Variants in ROBO2 observed in about 807,000 individuals in gnomAD.
ROBO2 encodes the protein roundabout homolog 2.
A neutral mutation model predicts 160.8 loss-of-function variants in ROBO2; 53 were observed. That is an observed-to-expected ratio of 0.33 (90% CI 0.26 to 0.41). ROBO2 has a LOEUF of 0.41. Among genes scored for constraint, ROBO2 ranks in the 10% least tolerant of loss-of-function variants. The pLI is 1.00. For synonymous variants in ROBO2, 664 were observed against 611.7 expected, an observed-to-expected ratio of 1.09 and a Z score of -1.26; for missense variants, 1,577 against 1,722.4, an observed-to-expected ratio of 0.92 and a Z score of 1.49.
At position 76,419,467 on chromosome 3, in the gene ROBO2, C is replaced by T. The variant is rs150932647; in HGVS notation, c.109+481865C>T. Among the ~76,000 whole-genome samples the T allele has an allele frequency of 1.1e-4, 16 of 151,598 alleles. No homozygotes were observed. In the East Asian group the frequency reaches 3.1e-3, roughly 29 times the overall value. On this transcript the variant is annotated intron_variant, in intron 2 of 26. Transcript: ENST00000487694. Reference sequence around the variant, plus strand: ...TTTTTTTTTTTAAATTTAACCTGGGCTCCAGTGAAAGCAGGTGAAGGTGAT... The same window carrying T: ...TTTTTTTTTTTAAATTTAACCTGGGTTCCAGTGAAAGCAGGTGAAGGTGAT...
intron 2 of ROBO2, among the ~76,000 whole-genome samples, chr3:76,261,205 T>TGTGTG (rs201526041): frequency 0.055 from 7,579 of 137,300 alleles, 753 homozygotes; most frequent in Non-Finnish European, 0.078. Flanking sequence ...TGTGTGTGTA[T>TGTGTG]ATATATATAT....
At chr3:77,181,472 A>G (rs2080775168) in intron 2 of ROBO2, among the ~76,000 whole-genome samples, 1 of 152,144 alleles carries the variant, frequency 6.6e-6, no homozygotes, top group Non-Finnish European at 1.5e-5. Context: ...CTGTGCTGAA[A>G]GAATTTTATT....
At chr3:76,182,966 T>C (rs1476427586) in intron 2 of ROBO2, among the ~76,000 whole-genome samples, 2 of 152,186 alleles carry the variant, frequency 1.3e-5, no homozygotes, top group African/African-American at 4.8e-5. Flanking sequence ...ATCATGTCAT[T>C]GTCTTTTAAT....
chr3:76,732,535 C>A (rs933022060), intron 2 of ROBO2, among the ~76,000 whole-genome samples: 1 of 152,082 alleles, frequency 6.6e-6, no homozygotes, highest in Non-Finnish European at 1.5e-5. Context: ...TCTTGATGAA[C>A]CTGCTCTCCT....
intron 2 of ROBO2, among the ~76,000 whole-genome samples, chr3:76,588,039 A>T (rs565040063): frequency 6.6e-6 from 1 of 152,324 alleles, no homozygotes; most frequent in African/African-American, 2.4e-5. Flanking sequence ...TTATAAAATT[A>T]ATGGGGTGTG....
intron 23 of ROBO2, chr3:77,634,176 T>C (rs1298721130): frequency 1.3e-5 from 2 of 152,432 alleles, no homozygotes; most frequent in Admixed American, 6.5e-5. Flanking sequence ...ACAGCACATA[T>C]CATTTTTCAA....
chr3:77,518,141 G>A (rs2153623408), intron 5 of ROBO2, among the ~76,000 whole-genome samples: 1 of 151,540 alleles, frequency 6.6e-6, no homozygotes, highest in Non-Finnish European at 1.5e-5. Flanking sequence ...GTTATCATAT[G>A]TTATCATATA....
chr3:77,081,983 A>G (rs1225390026), intron 1 of ROBO2, among the ~76,000 whole-genome samples: 2 of 152,202 alleles, frequency 1.3e-5, no homozygotes, highest in East Asian at 3.9e-4. Flanking sequence ...GAGGTCTGTG[A>G]GAATCCAGAT....
chr3:76,810,309 C>T (rs1290587208), intron 2 of ROBO2, among the ~76,000 whole-genome samples: 1 of 152,112 alleles, frequency 6.6e-6, no homozygotes, highest in Non-Finnish European at 1.5e-5. Flanking sequence ...CAGAGGCACA[C>T]CCAGTTCGCC....
intron 2 of ROBO2, among the ~76,000 whole-genome samples, chr3:77,178,302 C>A (rs1478809171): frequency 6.6e-6 from 1 of 151,988 alleles, no homozygotes; most frequent in South Asian, 2.1e-4. Context: ...GTTTCCAATG[C>A]ACAAAGATAC....
chr3:76,476,684 A>G (rs1268382093), intron 2 of ROBO2, among the ~76,000 whole-genome samples: 1 of 152,140 alleles, frequency 6.6e-6, no homozygotes, highest in African/African-American at 2.4e-5. Flanking sequence ...CCCAGGATTT[A>G]AGGGTCTATT....
At chr3:77,017,167 A>G (rs967259499) in intron 2 of ROBO2, among the ~76,000 whole-genome samples, 13 of 152,216 alleles carry the variant, frequency 8.5e-5, no homozygotes, top group Non-Finnish European at 1.9e-4. Flanking sequence ...AATAACAACA[A>G]AAGTCTACTA....
At chr3:76,344,249 G>A (rs1319899075) in intron 2 of ROBO2, among the ~76,000 whole-genome samples, 1 of 151,908 alleles carries the variant, frequency 6.6e-6, no homozygotes, top group African/African-American at 2.4e-5. Context: ...GCTATTCAAG[G>A]GTATTTACAC....
chr3:76,109,136 T>G (rs951251771), intron 2 of ROBO2, among the ~76,000 whole-genome samples: 1 of 152,032 alleles, frequency 6.6e-6, no homozygotes, highest in Non-Finnish European at 1.5e-5. Context: ...CTACTCATAG[T>G]CAAACTCACA....
At chr3:76,938,533 G>A (rs528581627) in intron 2 of ROBO2, among the ~76,000 whole-genome samples, 53 of 151,692 alleles carry the variant, frequency 3.5e-4, no homozygotes, top group Middle Eastern at 3.4e-3. Context: ...CTCTCTCTCT[G>A]AGCTTTTCCA....
At position 76,655,439 on chromosome 3, in the gene ROBO2, CATATAT is replaced by C. The variant is rs747521584; in HGVS notation, c.110-442564_110-442559del. Among the ~76,000 whole-genome samples, 4 of 57,786 alleles carry C rather than the reference CATATAT, an allele frequency of 6.9e-5. No individual in the cohort carries two copies. In the South Asian group the frequency reaches 3.5e-3, roughly 50 times the overall value. 37.9% of individuals were successfully genotyped at this position (57,786 alleles called of 152,430 possible). A position where few individuals can be genotyped will look rare whatever the true frequency, so the allele number is the denominator to read the frequency against. ...GTGTTTCTGTGTATGGATTTTTTTC[CATATAT>C]ATATATATATGGATTTTTTTCCCTT... On this transcript the variant is annotated intron_variant, in intron 2 of 26. Transcript: ENST00000487694.
chr3:75,986,457 C>T (rs2065417465), intron 2 of ROBO2, among the ~76,000 whole-genome samples: 1 of 151,304 alleles, frequency 6.6e-6, no homozygotes, highest in Non-Finnish European at 1.5e-5. Flanking sequence ...AGTCCCTTGT[C>T]AAACATCATT....
At chr3:76,512,017 G>A (rs974674455) in intron 2 of ROBO2, among the ~76,000 whole-genome samples, 1 of 152,010 alleles carries the variant, frequency 6.6e-6, no homozygotes, top group East Asian at 1.9e-4. Context: ...AAAAATGTGT[G>A]GTGGGCTTAC....
chr3:76,858,171 C>G (rs2070343977), intron 2 of ROBO2, among the ~76,000 whole-genome samples: 1 of 152,176 alleles, frequency 6.6e-6, no homozygotes, highest in Admixed American at 6.6e-5. Context: ...ATGCTGTTCA[C>G]CTGCCTCCCA....
Sources: gnomAD v4.1 joint callset for allele counts (sites outside exome capture counted in the v4.1 genomes callset) on GRCh38, gnomAD v4.1.1 for gene constraint, MANE v1.5 for transcripts, NCBI Gene and HGNC (gene_info 2026-07-23, HGNC 2026-07-21) for gene names.